Variants in PITPNM2 observed in about 807,000 individuals in gnomAD.
The protein encoded by PITPNM2 is membrane-associated phosphatidylinositol transfer protein 2.
Under a neutral mutation model 132.2 loss-of-function variants are expected in PITPNM2, and 35 were observed. The observed-to-expected ratio is 0.26, with a 90% CI of 0.20 to 0.35. The LOEUF (loss-of-function observed/expected upper bound fraction) is 0.35. Ranked by LOEUF, PITPNM2 falls within the 10% of genes least tolerant of loss-of-function variation. PITPNM2 has a pLI of 1.00. For synonymous variants in PITPNM2, 738 were observed against 799.2 expected, an observed-to-expected ratio of 0.92 and a Z score of 1.29; for missense variants, 1,332 against 1,912.0, an observed-to-expected ratio of 0.70 and a Z score of 5.66.
intron 3 of PITPNM2, among the ~76,000 whole-genome samples, chr12:123,019,945 CT>C (rs2039602448): frequency 6.6e-6 from 1 of 151,984 alleles, no homozygotes; most frequent in South Asian, 2.1e-4. Context: ...GACAGATATG[CT>C]GGGTAGGGAG....
intron 3 of PITPNM2, among the ~76,000 whole-genome samples, chr12:123,027,207 C>T (rs2039895342): frequency 6.6e-6 from 1 of 152,168 alleles, no homozygotes; most frequent in Non-Finnish European, 1.5e-5. Flanking sequence ...CAGTCACCAG[C>T]ACTTTCCCCA....
chr12:123,117,678 C>T lies in PITPNM2; in HGVS notation c.-199-7190G>A, dbSNP rs1385159080. On this transcript the variant is annotated intron_variant, in intron 1 of 25. Coordinates refer to ENST00000320201, the MANE Select transcript of PITPNM2 (RefSeq NM_020845.3). This position sits in a 1 kb window ranked among gnomAD's most constrained non-coding sequence, Gnocchi z 4.7. Reference sequence around the variant, plus strand: ...GGTTTGCAAGGCAGACAGAAGTGCTCACTGGGCTCCTCAGACGTGTGCCCC... The same window carrying T: ...GGTTTGCAAGGCAGACAGAAGTGCTTACTGGGCTCCTCAGACGTGTGCCCC... 1.3e-5 allele frequency among the ~76,000 whole-genome samples: 2 copies of T among 152,204 alleles called. No homozygotes were observed. Among genetic ancestry groups the T allele is most frequent in the Non-Finnish European group, 2.9e-5 (2 of 68,036 alleles).
chr12:123,028,156 A>G (rs1042675371), intron 3 of PITPNM2, among the ~76,000 whole-genome samples: 4 of 152,108 alleles, frequency 2.6e-5, no homozygotes, highest in African/African-American at 7.2e-5. Context: ...TGGCCAGGCC[A>G]CCTCCGGCCA....
chr12:123,043,858 G>A (rs655293), intron 2 of PITPNM2, among the ~76,000 whole-genome samples: 118,241 of 152,142 alleles, frequency 0.78, 46,085 homozygotes, highest in East Asian at 0.86. Context: ...CTATCAGCAT[G>A]GCAACCTCAG....
Position 122,993,758 on chromosome 12 carries a change from T to G in PITPNM2, c.2233+1043A>C, listed in dbSNP as rs1228234177. 1.3e-5 allele frequency among the ~76,000 whole-genome samples: 2 copies of G among 152,270 alleles called. No homozygotes were observed. The highest frequency in any genetic ancestry group is 6.5e-5 in the Admixed American group (1 of 15,288). On this transcript the variant is annotated intron_variant, in intron 15 of 25. Coordinates refer to ENST00000320201, the MANE Select transcript of PITPNM2 (RefSeq NM_020845.3). The surrounding 1 kb of genome is among the most constrained non-coding windows in gnomAD (Gnocchi z 5.2). ...GGCACAGGGATGCCCTCCATGGGGCTGCCTTGGTTGTTGGGGTCCCCTTAA... is the reference window on the plus strand; with the variant it reads ...GGCACAGGGATGCCCTCCATGGGGCGGCCTTGGTTGTTGGGGTCCCCTTAA...
chr12:123,085,801 A>C (rs60320128), intron 2 of PITPNM2, among the ~76,000 whole-genome samples: 7,503 of 152,304 alleles, frequency 0.049, 612 homozygotes, highest in African/African-American at 0.17. Flanking sequence ...CTGCCCCCAG[A>C]CAGACTCAAT....
chr12:123,061,007 T>C (rs971570319), intron 2 of PITPNM2, among the ~76,000 whole-genome samples: 1 of 151,976 alleles, frequency 6.6e-6, no homozygotes, highest in Non-Finnish European at 1.5e-5. Flanking sequence ...CATCTACCCA[T>C]GTAGCTACCG....
chr12:122,992,710 T>A lies in PITPNM2; in HGVS notation c.2234-41A>T. 4 of 1,473,548 alleles carry A rather than the reference T, an allele frequency of 2.7e-6. No homozygotes were observed. The highest frequency in any genetic ancestry group is 3.6e-6 in the Non-Finnish European group (4 of 1,100,790). 91.3% of individuals were successfully genotyped at this position (1,473,548 alleles called of 1,614,324 possible). A position where few individuals can be genotyped will look rare whatever the true frequency, so the allele number is the denominator to read the frequency against. On this transcript the variant is annotated intron_variant, in intron 15 of 25. Transcript: ENST00000320201. The surrounding 1 kb of genome is among the most constrained non-coding windows in gnomAD (Gnocchi z 6.5). ...TTGGCTGCAGAGCTGGGGCTGGCCC[T>A]GAGGAGCAGTGGTGGGGGTGGGAAA...
intron 2 of PITPNM2, among the ~76,000 whole-genome samples, chr12:123,052,489 G>A (rs1020578503): frequency 1.1e-4 from 16 of 152,126 alleles, no homozygotes; most frequent in Non-Finnish European, 2.1e-4. Flanking sequence ...GCATGGTGGC[G>A]CAAGCCTGTA....
At chr12:123,016,219 G>A (rs1402585992) in intron 3 of PITPNM2, among the ~76,000 whole-genome samples, 2 of 151,968 alleles carry the variant, frequency 1.3e-5, no homozygotes, top group South Asian at 2.1e-4. Flanking sequence ...CCAGCTACTC[G>A]GGAGGCTGAG....
At chr12:123,079,642 C>T (rs1288308106) in intron 2 of PITPNM2, among the ~76,000 whole-genome samples, 5 of 152,040 alleles carry the variant, frequency 3.3e-5, no homozygotes, top group Non-Finnish European at 7.4e-5. Context: ...CCACCGTGCC[C>T]GGCCTCTCTC....
rs1391808607 is a variant in PITPNM2 at position 123,009,165 on chromosome 12, CT to C, written c.643+684del. Reference sequence around the variant, plus strand: ...CCTTGCTCATGGCATCACAAGGTGTCTGGCTGGGGTGCCTTTTGGGTCATGG... The same window carrying C: ...CCTTGCTCATGGCATCACAAGGTGTCGGCTGGGGTGCCTTTTGGGTCATGG... On this transcript the variant is annotated intron_variant, in intron 6 of 25. Coordinates refer to ENST00000320201, the MANE Select transcript of PITPNM2 (RefSeq NM_020845.3). This position sits in a 1 kb window ranked among gnomAD's most constrained non-coding sequence, Gnocchi z 4.8. Among the ~76,000 whole-genome samples the C allele has an allele frequency of 3.3e-5, 5 of 152,344 alleles. No individual in the cohort carries two copies. In the East Asian group the frequency reaches 9.6e-4, roughly 29 times the overall value.
intron 1 of PITPNM2, among the ~76,000 whole-genome samples, chr12:123,145,157 CAGAG>C (rs1467389814): frequency 6.6e-6 from 1 of 152,046 alleles, no homozygotes; most frequent in African/African-American, 2.4e-5. Context: ...GCCTGGGAGA[CAGAG>C]AGAGACCCTG....
Position 123,077,574 on chromosome 12 carries a change from G to A in PITPNM2, c.-96+32811C>T, listed in dbSNP as rs1176250445. ...ACCCAAGCACCAGGAGGCAGGAGTCGAGCTACTCACAGACTCCCTAGAGGA... is the reference window on the plus strand; with the variant it reads ...ACCCAAGCACCAGGAGGCAGGAGTCAAGCTACTCACAGACTCCCTAGAGGA... On this transcript the variant is annotated intron_variant, in intron 2 of 25. Transcript: ENST00000320201. This position sits in a 1 kb window ranked among gnomAD's most constrained non-coding sequence, Gnocchi z 4.8. Among the ~76,000 whole-genome samples, 1 of 152,084 alleles carries A rather than the reference G, an allele frequency of 6.6e-6. No homozygotes were observed. Among genetic ancestry groups the A allele is most frequent in the Non-Finnish European group, 1.5e-5 (1 of 68,032 alleles).
chr12:123,124,528 G>C (rs1449939862), intron 1 of PITPNM2, among the ~76,000 whole-genome samples: 6 of 152,128 alleles, frequency 3.9e-5, no homozygotes, highest in African/African-American at 1.4e-4. Context: ...ACTGTCTCTG[G>C]GAAGGAAAAC....
At chr12:122,987,179 G>GT in intron 23 of PITPNM2, 102 bp downstream of exon 23, 1 of 1,518,436 alleles carries the variant, frequency 6.6e-7, no homozygotes, top group Admixed American at 1.8e-5. Flanking sequence ...CGAGCCAGGC[G>GT]TCCCCCACAG....
intron 2 of PITPNM2, among the ~76,000 whole-genome samples, chr12:123,069,840 T>C (rs1336829105): frequency 6.6e-6 from 1 of 152,190 alleles, no homozygotes; most frequent in African/African-American, 2.4e-5. Flanking sequence ...CCCAGAACAG[T>C]TGTCTGACCT....
chr12:123,000,331 C>T lies in PITPNM2; in HGVS notation c.1224+447G>A, dbSNP rs1037640613. The T allele has an allele frequency of 1.0e-5, 7 of 692,046 alleles. No individual in the cohort carries two copies. The East Asian group carries it at 1.6e-4, about 16-fold the overall frequency. 42.9% of individuals were successfully genotyped at this position (692,046 alleles called of 1,614,324 possible). On this transcript the variant is annotated intron_variant, in intron 10 of 25. Coordinates refer to ENST00000320201, the MANE Select transcript of PITPNM2 (RefSeq NM_020845.3). This position sits in a 1 kb window ranked among gnomAD's most constrained non-coding sequence, Gnocchi z 5.4. ...TACCAAGACAGTTTTATTGGACACA[C>T]TGAGCTCCGCCTGCCTCCCGCGGGG...
At chr12:123,042,814 C>T (rs966851510) in intron 2 of PITPNM2, among the ~76,000 whole-genome samples, 5 of 152,136 alleles carry the variant, frequency 3.3e-5, no homozygotes, top group African/African-American at 1.2e-4. Context: ...CCAGGCCTCC[C>T]CTAACCATCT....
Sources: allele counts gnomAD v4.1 joint callset (sites outside exome capture counted in the v4.1 genomes callset), GRCh38; gene constraint gnomAD v4.1.1; non-coding constraint Gnocchi (gnomAD v3.1); transcripts MANE v1.5; gene names NCBI Gene and HGNC (gene_info 2026-07-23, HGNC 2026-07-21).